ARHGAP44: variants seen among roughly 807,000 people sequenced by gnomAD.
ARHGAP44 encodes Rho GTPase activating protein 44.
In ARHGAP44, 43 loss-of-function variants were observed where a neutral mutation model predicts 106.8. The observed-to-expected ratio is 0.40, with a 90% CI of 0.32 to 0.52. The LOEUF is 0.52. Ranked by LOEUF, ARHGAP44 falls within the 20% of genes least tolerant of loss-of-function variation. The probability of loss-of-function intolerance (pLI) is 0.48; values close to 1 mark genes in which losing one functional copy is unlikely to be tolerated. For missense variants in ARHGAP44, 866 were observed against 1,050.5 expected, an observed-to-expected ratio of 0.82 and a Z score of 2.43; for synonymous variants, 439 against 410.3, an observed-to-expected ratio of 1.07 and a Z score of -0.85.
At chr17:12,980,273 G>T (rs748614649) in intron 19 of ARHGAP44, 40 bp downstream of exon 19, 1 of 1,565,418 alleles carries the variant, frequency 6.4e-7, no homozygotes, top group Non-Finnish European at 8.7e-7. Context: ...TCAGGCCGGA[G>T]GTGGCTGTGA....
intron 12 of ARHGAP44, among the ~76,000 whole-genome samples, chr17:12,950,954 G>A (rs1434466079): frequency 6.6e-6 from 1 of 152,044 alleles, no homozygotes; most frequent in Non-Finnish European, 1.5e-5. Context: ...TGAAGAACTG[G>A]GCCTGAAAGA....
chr17:12,887,283 A>C (rs1298988072), intron 1 of ARHGAP44, among the ~76,000 whole-genome samples: 1 of 152,142 alleles, frequency 6.6e-6, no homozygotes, highest in Non-Finnish European at 1.5e-5. Context: ...GCTGGAGTAC[A>C]AAGGAGTGAT....
chr17:12,955,906 A>G lies in ARHGAP44; in HGVS notation c.1176A>G (p.Gln392=), dbSNP rs754829815. The G allele has an allele frequency of 2.8e-4, 449 of 1,613,446 alleles. No individual in the cohort carries two copies. Among genetic ancestry groups the G allele is most frequent in the Non-Finnish European group, 3.6e-4 (430 of 1,179,796 alleles). Residue 392 remains glutamine (Q), a synonymous_variant, in exon 14 of 21, where the codon CAA becomes CAG. Transcript: ENST00000379672. Reference sequence around the variant, plus strand: ...TTTTATCCAAGCTGTCAGAATATCAAGATGTAAACAAGATGACTCCCAGTA... The same window carrying G: ...TTTTATCCAAGCTGTCAGAATATCAGGATGTAAACAAGATGACTCCCAGTA... ...IKFLSKLSEY[Q]DVNKMTPSNM... is the part of the protein sequence containing the mutation.
intron 1 of ARHGAP44, among the ~76,000 whole-genome samples, chr17:12,849,568 CTTTTTTTT>C (rs776346185): frequency 5.7e-5 from 4 of 69,958 alleles, no homozygotes; most frequent in Admixed American, 2.9e-4. Flanking sequence ...TACTTTTGTC[CTTTTTTTT>C]TTTTTTTTTT....
In ARHGAP44 at chr17:12,990,012, C is replaced by T; in HGVS notation, c.2318-20C>T. The T allele has an allele frequency of 6.3e-7, 1 of 1,593,394 alleles. No homozygotes were observed. Among genetic ancestry groups the T allele is most frequent in the South Asian group, 1.1e-5 (1 of 90,612 alleles). On this transcript the variant is annotated intron_variant, in intron 20 of 20. Transcript: ENST00000379672. ...CCGGGAAGCCTCCTTTCAACCACCT[C>T]TCTCTCTGCCGCCTTCCAGATCTTG...
At chr17:12,877,005 A>G (rs1200494440) in intron 1 of ARHGAP44, among the ~76,000 whole-genome samples, 2 of 152,116 alleles carry the variant, frequency 1.3e-5, no homozygotes, top group Non-Finnish European at 2.9e-5. Context: ...GAAAGGGACC[A>G]ATAGTTGCTG....
intron 4 of ARHGAP44, among the ~76,000 whole-genome samples, chr17:12,912,873 T>A (rs1034007126): frequency 2.0e-5 from 3 of 152,152 alleles, no homozygotes; most frequent in African/African-American, 7.2e-5. Flanking sequence ...CCTCAGAAAT[T>A]GACTTCCCAC....
intron 16 of ARHGAP44, among the ~76,000 whole-genome samples, chr17:12,968,457 C>G (rs1280411283): frequency 6.6e-6 from 1 of 152,166 alleles, no homozygotes; most frequent in Non-Finnish European, 1.5e-5. Context: ...TTCCAAAGAA[C>G]CTTTCAGACA....
intron 1 of ARHGAP44, among the ~76,000 whole-genome samples, chr17:12,888,283 A>T (rs1166185314): frequency 6.6e-6 from 1 of 152,070 alleles, no homozygotes; most frequent in African/African-American, 2.4e-5. Flanking sequence ...TGTGCCCAAC[A>T]TTTTTACATG....
At position 12,980,050 on chromosome 17, in the gene ARHGAP44, C is replaced by A. The variant is rs184759546; in HGVS notation, c.1764-8C>A. ...GCTTTTCTTTTGTCTCATGTGCTTT[C>A]GTTTCAGCACAACAAAAAGCAAGGA... On this transcript the variant is annotated splice_region_variant and splice_polypyrimidine_tract_variant and intron_variant, in intron 18 of 20. Coordinates refer to ENST00000379672, the MANE Select transcript of ARHGAP44 (RefSeq NM_014859.6). 6.3e-7 allele frequency: 1 copy of A among 1,594,772 alleles called. No individual in the cohort carries two copies. Among genetic ancestry groups the A allele is most frequent in the Non-Finnish European group, 8.6e-7 (1 of 1,169,538 alleles).
rs113014447 is a variant in ARHGAP44 at position 12,875,010 on chromosome 17, A to T, written c.54-19930A>T. Among the ~76,000 whole-genome samples the T allele has an allele frequency of 7.3e-3, 1,112 of 152,042 alleles. 9 individuals carry two copies. The highest frequency in any genetic ancestry group is 0.011 in the Non-Finnish European group (747 of 67,944). On this transcript the variant is annotated intron_variant, in intron 1 of 20. Coordinates refer to ENST00000379672, the MANE Select transcript of ARHGAP44 (RefSeq NM_014859.6). ...GGAAGATTTAGAAGACATTGAAGAG[A>T]TGAGTTTGTTAACTCAGAGTGGGTG...
chr17:12,919,353 G>C (rs1358244893), intron 5 of ARHGAP44, among the ~76,000 whole-genome samples: 1 of 151,854 alleles, frequency 6.6e-6, no homozygotes, highest in Admixed American at 6.6e-5. Context: ...AAACTTGTTG[G>C]GTGACTTCCA....
intron 16 of ARHGAP44, among the ~76,000 whole-genome samples, chr17:12,970,359 C>T (rs1255446112): frequency 9.0e-6 from 1 of 110,988 alleles, no homozygotes; most frequent in Non-Finnish European, 1.8e-5. Context: ...GAGCAAGACC[C>T]TGTCTCAAAA....
intron 1 of ARHGAP44, among the ~76,000 whole-genome samples, chr17:12,812,539 A>G (rs1025493221): frequency 6.6e-6 from 1 of 152,268 alleles, no homozygotes; most frequent in African/African-American, 2.4e-5. Context: ...TACCTGAATC[A>G]GATCCAAATG....
At chr17:12,927,622 T>C (rs2038285432) in intron 6 of ARHGAP44, among the ~76,000 whole-genome samples, 1 of 152,140 alleles carries the variant, frequency 6.6e-6, no homozygotes, top group Non-Finnish European at 1.5e-5. Flanking sequence ...TTCCTCCTTC[T>C]CTAGTCAGTT....
intron 1 of ARHGAP44, among the ~76,000 whole-genome samples, chr17:12,807,821 C>G (rs2034322052): frequency 6.6e-6 from 1 of 152,194 alleles, no homozygotes; most frequent in Non-Finnish European, 1.5e-5. Context: ...AGTCTTAACT[C>G]ATTTCAGCAT....
intron 2 of ARHGAP44, 38 bp downstream of exon 2, chr17:12,895,017 G>A (rs1328627994): frequency 6.4e-7 from 1 of 1,561,556 alleles, no homozygotes; most frequent in African/African-American, 1.4e-5. Flanking sequence ...AGATACCAGA[G>A]ATATATGGGA....
intron 1 of ARHGAP44, among the ~76,000 whole-genome samples, chr17:12,858,450 G>A (rs933684946): frequency 1.3e-5 from 2 of 152,152 alleles, no homozygotes; most frequent in Admixed American, 1.3e-4. Context: ...GTAAGCATGA[G>A]GTCAGACTAA....
At position 12,903,152 on chromosome 17, in the gene ARHGAP44, T is replaced by A. The variant is rs1478676354; in HGVS notation, c.199-5745T>A. On this transcript the variant is annotated intron_variant, in intron 3 of 20. Transcript: ENST00000379672. ...GAGAGAGAGAGAGAGTGTGTGTGTG[T>A]GTGTGTGTGTGTGTGTGTGTGTGTG... Among the ~76,000 whole-genome samples the A allele has an allele frequency of 5.9e-3, 809 of 136,928 alleles. 8 individuals are homozygous for A. Among genetic ancestry groups the A allele is most frequent in the African/African-American group, 0.024 (745 of 30,434 alleles). 89.8% of individuals were successfully genotyped at this position (136,928 alleles called of 152,430 possible).
Sources: allele counts gnomAD v4.1 joint callset (sites outside exome capture counted in the v4.1 genomes callset), GRCh38; gene constraint gnomAD v4.1.1; transcripts MANE v1.5; gene names NCBI Gene and HGNC (gene_info 2026-07-23, HGNC 2026-07-21).